Variants in ARPP21 observed in about 807,000 individuals in gnomAD.
The protein encoded by ARPP21 is cAMP-regulated phosphoprotein 21.
Under a neutral mutation model 113.2 loss-of-function variants are expected in ARPP21, and 69 were observed. The observed-to-expected ratio is 0.61, with a 90% CI of 0.50 to 0.74. The LOEUF (loss-of-function observed/expected upper bound fraction) is 0.74, where lower values mean the gene tolerates loss of function less well. Among genes scored for constraint, ARPP21 ranks in the 30% least tolerant of loss-of-function variants. ARPP21 has a pLI of 0.00. For missense variants in ARPP21, 1,070 were observed against 1,037.4 expected (o/e 1.03, Z -0.43); for synonymous variants, 368 against 375.5 (o/e 0.98, Z 0.23).
chr3:35,728,548 A>G (rs1341167413), intron 14 of ARPP21, among the ~76,000 whole-genome samples: 1 of 150,104 alleles, frequency 6.7e-6, no homozygotes, highest in African/African-American at 2.5e-5. Flanking sequence ...TAAATCCTTA[A>G]TATCTAAAGT....
chr3:35,737,273 C>A lies in ARPP21; in HGVS notation c.1555C>A (p.Gln519Lys). The change falls in exon 16 of 21, where the codon CAG becomes AAG. Residue 519 changes from glutamine (Q) to lysine (K), a missense_variant. Transcript: ENST00000684406. ...LRSAMVGQSQ[Q>K]QPPQQQPSPQ... ...AAGCGCCATGGTGGGGCAGTCCCAACAGCAGCCACCACAGCAGCAGCCCTC... is the reference window on the plus strand; with the variant it reads ...AAGCGCCATGGTGGGGCAGTCCCAAAAGCAGCCACCACAGCAGCAGCCCTC... 6.2e-7 allele frequency: 1 copy of A among 1,612,264 alleles called. No homozygotes were observed. Among genetic ancestry groups the A allele is most frequent in the African/African-American group, 1.3e-5 (1 of 75,040 alleles).
At chr3:35,739,666 A>C in intron 18 of ARPP21, 89 bp downstream of exon 18, 1 of 1,451,860 alleles carries the variant, frequency 6.9e-7, no homozygotes, top group South Asian at 1.4e-5. Flanking sequence ...AACCAGATTC[A>C]CTCCCTCTTC....
At chr3:35,743,095 G>T (rs1161024753) in intron 18 of ARPP21, among the ~76,000 whole-genome samples, 8 of 152,096 alleles carry the variant, frequency 5.3e-5, no homozygotes, top group Non-Finnish European at 8.8e-5. Flanking sequence ...TTGAATAGTG[G>T]TGTGTACCAA....
intron 19 of ARPP21, among the ~76,000 whole-genome samples, chr3:35,760,633 A>G (rs903887876): frequency 2.6e-5 from 4 of 152,084 alleles, no homozygotes; most frequent in African/African-American, 9.7e-5. Context: ...TAGTATGTGC[A>G]TGGAAGAATT....
At chr3:35,687,518 G>A (rs572082136) in intron 5 of ARPP21, among the ~76,000 whole-genome samples, 1 of 151,274 alleles carries the variant, frequency 6.6e-6, no homozygotes, top group East Asian at 2.0e-4. Flanking sequence ...ATAAGGCAAA[G>A]TTTTAGTACT....
intron 1 of ARPP21, among the ~76,000 whole-genome samples, chr3:35,653,001 T>C (rs1409315101): frequency 6.6e-6 from 1 of 152,062 alleles, no homozygotes; most frequent in Non-Finnish European, 1.5e-5. Flanking sequence ...GGGACAGTGA[T>C]AAGTGAAAAG....
At chr3:35,787,539 T>C (rs2096658733) in intron 19 of ARPP21, among the ~76,000 whole-genome samples, 2 of 152,198 alleles carry the variant, frequency 1.3e-5, no homozygotes, top group African/African-American at 2.4e-5. Context: ...CCCTCAACTG[T>C]CTTCCTGGTG....
Position 35,750,924 on chromosome 3 carries a change from G to A in ARPP21, c.2137+6959G>A, listed in dbSNP as rs560324767. ...GAGCTGTTCCTATAAGCTTCTGCCC[G>A]CATCTCTCACTTGCCAGGCTTTCAG... On this transcript the variant is annotated intron_variant, in intron 19 of 20. Transcript: ENST00000684406. Among the ~76,000 whole-genome samples the A allele has an allele frequency of 7.9e-5, 12 of 152,250 alleles. No homozygotes were observed. The South Asian group carries it at 1.9e-3, about 24-fold the overall frequency.
intron 19 of ARPP21, among the ~76,000 whole-genome samples, chr3:35,756,333 G>T (rs1438357479): frequency 6.6e-6 from 1 of 152,128 alleles, no homozygotes; most frequent in Non-Finnish European, 1.5e-5. Context: ...ACAGTCTTAT[G>T]AGTGGGTTCA....
intron 10 of ARPP21, among the ~76,000 whole-genome samples, chr3:35,708,246 G>A (rs1169486735): frequency 6.6e-6 from 1 of 152,128 alleles, no homozygotes; most frequent in African/African-American, 2.4e-5. Context: ...AGAATAGATG[G>A]AAGGAGACTT....
intron 1 of ARPP21, among the ~76,000 whole-genome samples, chr3:35,656,522 G>A (rs1039290560): frequency 6.6e-6 from 1 of 151,996 alleles, no homozygotes; most frequent in Non-Finnish European, 1.5e-5. Flanking sequence ...AGTTTGGATG[G>A]GTCTCAAGGG....
At chr3:35,732,738 TAA>T (rs2094073666) in intron 15 of ARPP21, among the ~76,000 whole-genome samples, 1 of 152,258 alleles carries the variant, frequency 6.6e-6, no homozygotes, top group Non-Finnish European at 1.5e-5. Context: ...CTGTGTTATA[TAA>T]AGTCATGCCA....
At chr3:35,667,868 GAAGAAGAAGAAGAAGAA>G (rs2074879644) in intron 1 of ARPP21, among the ~76,000 whole-genome samples, 2 of 132,124 alleles carry the variant, frequency 1.5e-5, no homozygotes, top group Middle Eastern at 3.7e-3. Context: ...AGAAGAAGAA[GAAGAAGAAGAAGAAGAA>G]GAAGAGGAAG....
chr3:35,760,960 C>T (rs1413474043), intron 19 of ARPP21, among the ~76,000 whole-genome samples: 2 of 152,072 alleles, frequency 1.3e-5, no homozygotes, highest in Non-Finnish European at 2.9e-5. Context: ...TCTCTAGTCT[C>T]TTTCAAAAGC....
At chr3:35,691,026 T>C (rs1172816567) in intron 9 of ARPP21, 21 bp downstream of exon 9, 1 of 1,589,650 alleles carries the variant, frequency 6.3e-7, no homozygotes, top group Non-Finnish European at 8.6e-7. Flanking sequence ...TCACTGTACT[T>C]ATTTAGCATT....
chr3:35,789,147 T>C (rs941196451), intron 19 of ARPP21, among the ~76,000 whole-genome samples: 1 of 152,240 alleles, frequency 6.6e-6, no homozygotes, highest in African/African-American at 2.4e-5. Flanking sequence ...GAAAAAGTGA[T>C]AATTTCACAG....
intron 1 of ARPP21, among the ~76,000 whole-genome samples, chr3:35,648,360 C>T (rs1701062092): frequency 6.6e-6 from 1 of 152,184 alleles, no homozygotes; most frequent in Non-Finnish European, 1.5e-5. Context: ...TAGGAAACAA[C>T]TGGAATGAAT....
At position 35,662,408 on chromosome 3, in the gene ARPP21, T is replaced by C. The variant is rs73057179; in HGVS notation, c.-212-17379T>C. On this transcript the variant is annotated intron_variant, in intron 1 of 20. Coordinates refer to ENST00000684406, the MANE Select transcript of ARPP21 (RefSeq NM_001385562.1). ...CCTTCTGAAAGGATGTCCTGTGATGTTGCAGGTAGGTTTCTGGAAAGCATA... is the reference window on the plus strand; with the variant it reads ...CCTTCTGAAAGGATGTCCTGTGATGCTGCAGGTAGGTTTCTGGAAAGCATA... Among the ~76,000 whole-genome samples the C allele has an allele frequency of 2.4e-3, 363 of 152,306 alleles. 6 individuals are homozygous for C. In the East Asian group the frequency reaches 0.042, roughly 18 times the overall value.
At chr3:35,695,284 G>A (rs2083537632) in intron 9 of ARPP21, among the ~76,000 whole-genome samples, 1 of 151,510 alleles carries the variant, frequency 6.6e-6, no homozygotes, top group Admixed American at 6.6e-5. Flanking sequence ...TACCTGATAA[G>A]AGCAGAGATG....
Sources: allele counts gnomAD v4.1 joint callset (sites outside exome capture counted in the v4.1 genomes callset), GRCh38; gene constraint gnomAD v4.1.1; transcripts MANE v1.5; gene names NCBI Gene and HGNC (gene_info 2026-07-23, HGNC 2026-07-21).